Variants in ZDHHC13 observed in about 807,000 individuals in gnomAD.
ZDHHC13 encodes palmitoyltransferase ZDHHC13.
ZDHHC13 carries 85 observed loss-of-function variants against 86.0 expected under a neutral mutation model. The observed-to-expected ratio is 0.99, with a 90% CI of 0.83 to 1.18. The LOEUF (loss-of-function observed/expected upper bound fraction) is 1.18. ZDHHC13 is among the 50% of genes most tolerant of loss of function. ZDHHC13 has a pLI of 0.00. For missense variants in ZDHHC13, 711 were observed against 730.2 expected, an observed-to-expected ratio of 0.97 and a Z score of 0.30; for synonymous variants, 263 against 246.4, an observed-to-expected ratio of 1.07 and a Z score of -0.63.
At chr11:19,128,429 A>G (rs1590061262) in intron 1 of ZDHHC13, among the ~76,000 whole-genome samples, 1 of 152,274 alleles carries the variant, frequency 6.6e-6, no homozygotes, top group East Asian at 1.9e-4. Context: ...TCCTATTTGG[A>G]TGCCCTTTAT....
At chr11:19,143,202 A>G in intron 2 of ZDHHC13, 79 bp downstream of exon 2, 1 of 1,442,916 alleles carries the variant, frequency 6.9e-7, no homozygotes, top group Non-Finnish European at 9.3e-7. Context: ...ATGGAGCTTC[A>G]TATGTTTACC....
intron 10 of ZDHHC13, among the ~76,000 whole-genome samples, chr11:19,161,607 A>G (rs114770370): frequency 6.6e-6 from 1 of 151,832 alleles, no homozygotes; most frequent in African/African-American, 2.4e-5. Context: ...TGAATACAAT[A>G]AAATGGAACC....
rs780332672 is a variant in ZDHHC13, at chr11:19,152,578, T to C, written c.767T>C (p.Met256Thr). The C allele has an allele frequency of 2.5e-6, 4 of 1,612,376 alleles. No homozygotes were observed. Among genetic ancestry groups the C allele is most frequent in the East Asian group, 2.2e-5 (1 of 44,830 alleles). Residue 256 changes from methionine to threonine, a missense_variant, in exon 8 of 17, where the codon ATG (methionine) becomes ACG (threonine). Transcript: ENST00000446113. ...TTTAAGGGAGAAACACCTCTTGATA[T>C]GGCTCTACAAAACAAAAATCAGCTC... is the stretch of plus-strand genomic sequence containing the variant. The part of the protein sequence containing the change: ...QNVKGETPLD[M>T]ALQNKNQLII...
intron 16 of ZDHHC13, among the ~76,000 whole-genome samples, chr11:19,175,158 G>A (rs923552743): frequency 6.6e-6 from 1 of 151,950 alleles, no homozygotes; most frequent in African/African-American, 2.4e-5. Flanking sequence ...GGAGGCTGAG[G>A]TGGGCGGATC....
chr11:19,163,777 CCTT>C (rs1164614017), intron 11 of ZDHHC13, among the ~76,000 whole-genome samples: 2 of 152,206 alleles, frequency 1.3e-5, no homozygotes, highest in African/African-American at 4.8e-5. Context: ...CAGGGAGAGT[CCTT>C]CTGCTTATTG....
At chr11:19,147,040 T>C (rs1056335325) in intron 3 of ZDHHC13, among the ~76,000 whole-genome samples, 1 of 152,056 alleles carries the variant, frequency 6.6e-6, no homozygotes. Flanking sequence ...TAGAAGAAAA[T>C]CAGTCTTATT....
chr11:19,175,141 C>A (rs1850323927), intron 16 of ZDHHC13, among the ~76,000 whole-genome samples: 1 of 151,896 alleles, frequency 6.6e-6, no homozygotes, highest in South Asian at 2.1e-4. Flanking sequence ...GTAATCCCAG[C>A]ACTTTGGGAG....
At chr11:19,157,884 G>A (rs1304440190) in intron 9 of ZDHHC13, among the ~76,000 whole-genome samples, 5 of 152,162 alleles carry the variant, frequency 3.3e-5, no homozygotes, top group Non-Finnish European at 1.5e-5. Context: ...ATGGAGGAAA[G>A]CAACTGTAAA....
intron 1 of ZDHHC13, among the ~76,000 whole-genome samples, chr11:19,133,131 A>G (rs904289327): frequency 1.3e-5 from 2 of 152,170 alleles, no homozygotes; most frequent in African/African-American, 4.8e-5. Flanking sequence ...AATTATAGGG[A>G]AATACAAATT....
intron 1 of ZDHHC13, among the ~76,000 whole-genome samples, chr11:19,126,684 C>T (rs889234586): frequency 2.6e-5 from 4 of 151,838 alleles, no homozygotes; most frequent in Non-Finnish European, 5.9e-5. Flanking sequence ...GAGTTCTCAT[C>T]ATTTAGCTCC....
At chr11:19,149,935 T>C (rs771010617) in intron 5 of ZDHHC13, among the ~76,000 whole-genome samples, 1 of 152,222 alleles carries the variant, frequency 6.6e-6, no homozygotes, top group Non-Finnish European at 1.5e-5. Context: ...GTTGGAATGA[T>C]TGTGCTCCCT....
chr11:19,165,725 C>T (rs1279446423), intron 13 of ZDHHC13, among the ~76,000 whole-genome samples: 2 of 152,172 alleles, frequency 1.3e-5, no homozygotes, highest in East Asian at 1.9e-4. Flanking sequence ...TCCTCAGTTT[C>T]GTTTTCTGTG....
At chr11:19,159,473 A>G (rs1226739475) in intron 10 of ZDHHC13, among the ~76,000 whole-genome samples, 1 of 152,168 alleles carries the variant, frequency 6.6e-6, no homozygotes, top group Non-Finnish European at 1.5e-5. Flanking sequence ...TAGTGATATT[A>G]TCTAAGGCAA....
intron 8 of ZDHHC13, among the ~76,000 whole-genome samples, chr11:19,153,282 GA>G (rs1210753990): frequency 6.6e-6 from 1 of 152,106 alleles, no homozygotes; most frequent in Non-Finnish European, 1.5e-5. Context: ...GAAAACTTTA[GA>G]AACTTCAGGT....
At position 19,175,913 on chromosome 11, in the gene ZDHHC13, A is replaced by G. The variant is rs767562620; in HGVS notation, c.1822A>G (p.Thr608Ala). 3.7e-6 allele frequency: 6 copies of G among 1,612,800 alleles called. No homozygotes were observed. In the South Asian group the frequency reaches 6.6e-5, roughly 18 times the overall value. ...PCVVDWTSQY[T>A]MVFHPAREKV... ...TGTGGTAGATTGGACATCACAGTACACCATGGTCTTTCACCCAGCCAGGGA... is the reference window on the plus strand; with the variant it reads ...TGTGGTAGATTGGACATCACAGTACGCCATGGTCTTTCACCCAGCCAGGGA... The change falls in exon 17 of 17, where the codon ACC (threonine) becomes GCC (alanine). Residue 608 changes from threonine to alanine, a missense_variant. Physicochemically the swap from Thr to Ala is moderately conservative, Grantham distance 58. Transcript: ENST00000446113.
intron 2 of ZDHHC13, among the ~76,000 whole-genome samples, chr11:19,143,811 A>G (rs758750361): frequency 7.8e-4 from 119 of 152,354 alleles, no homozygotes; most frequent in Non-Finnish European, 1.2e-3. Flanking sequence ...ATTAACATCT[A>G]TCACACCTCT....
chr11:19,124,713 C>T (rs984721209), intron 1 of ZDHHC13, among the ~76,000 whole-genome samples: 8 of 151,570 alleles, frequency 5.3e-5, no homozygotes. Context: ...ACATTTTAAT[C>T]TAACTACCTA....
At chr11:19,135,826 A>T (rs1254937779) in intron 1 of ZDHHC13, among the ~76,000 whole-genome samples, 3 of 152,236 alleles carry the variant, frequency 2.0e-5, no homozygotes, top group African/African-American at 2.4e-5. Context: ...GACACCTCAC[A>T]TGGCCGGGTA....
intron 1 of ZDHHC13, among the ~76,000 whole-genome samples, chr11:19,136,152 G>A (rs1269298830): frequency 2.0e-5 from 3 of 152,174 alleles, no homozygotes; most frequent in Admixed American, 2.0e-4. Flanking sequence ...TCAAACCAAA[G>A]GCAAAGAAGT....
Sources: gnomAD v4.1 joint callset for allele counts (sites outside exome capture counted in the v4.1 genomes callset) on GRCh38, gnomAD v4.1.1 for gene constraint, MANE v1.5 for transcripts, NCBI Gene and HGNC (gene_info 2026-07-23, HGNC 2026-07-21) for gene names.